KCNT2: variants seen among roughly 807,000 people sequenced by gnomAD.
KCNT2 encodes potassium channel subfamily T member 2.
A neutral mutation model predicts 153.8 loss-of-function variants in KCNT2; 67 were observed. The ratio of observed to expected loss-of-function variants is 0.44; its 90% CI spans 0.36 to 0.53. KCNT2 has a LOEUF of 0.53. Ranked by LOEUF, KCNT2 falls within the 20% of genes least tolerant of loss-of-function variation. The pLI is 0.00. For synonymous variants in KCNT2, 500 were observed against 458.8 expected (o/e 1.09, Z -1.15); for missense variants, 975 against 1,354.8 (o/e 0.72, Z 4.40).
At chr1:196,419,343 C>T (rs1260376477) in intron 12 of KCNT2, among the ~76,000 whole-genome samples, 2 of 111,432 alleles carry the variant, frequency 1.8e-5, no homozygotes, top group Admixed American at 2.0e-4. Context: ...CTCCCCCCAC[C>T]CCACAACAGT....
At chr1:196,535,865 C>T (rs1026652245) in intron 1 of KCNT2, among the ~76,000 whole-genome samples, 6 of 152,240 alleles carry the variant, frequency 3.9e-5, no homozygotes, top group African/African-American at 1.4e-4. Context: ...ATGTGCCACA[C>T]ATGGCATTGG....
At chr1:196,316,651 C>G (rs1409688505) in intron 20 of KCNT2, among the ~76,000 whole-genome samples, 1 of 151,586 alleles carries the variant, frequency 6.6e-6, no homozygotes, top group Admixed American at 6.6e-5. Context: ...TTGAATAACC[C>G]GATTTCTTTG....
At chr1:196,540,208 T>TAATCTCCAAAGAAGGAA (rs1394406290) in intron 1 of KCNT2, among the ~76,000 whole-genome samples, 1 of 152,176 alleles carries the variant, frequency 6.6e-6, no homozygotes, top group African/African-American at 2.4e-5. Flanking sequence ...TCTCCAAATA[T>TAATCTCCAAAGAAGGAA]GAACACTTCC....
At chr1:196,228,739 C>T (rs1033715466) in intron 27 of KCNT2, among the ~76,000 whole-genome samples, 10 of 152,084 alleles carry the variant, frequency 6.6e-5, no homozygotes, top group African/African-American at 1.9e-4. Context: ...AGGAGACCTA[C>T]ATTTTAGCCA....
chr1:196,239,462 A>G (rs186763976), intron 26 of KCNT2, among the ~76,000 whole-genome samples: 271 of 152,100 alleles, frequency 1.8e-3, no homozygotes, highest in African/African-American at 6.3e-3. Flanking sequence ...TTATTAAACA[A>G]AAATCTTCAA....
chr1:196,428,411 C>T (rs139285162), intron 9 of KCNT2, 142 bp from the exon 10 acceptor site: 114 of 624,742 alleles, frequency 1.8e-4, no homozygotes, highest in Non-Finnish European at 2.6e-4. Context: ...TCCCCTTCAA[C>T]GACAGACTTT....
chr1:196,400,696 T>C (rs1671336012), intron 12 of KCNT2, among the ~76,000 whole-genome samples: 1 of 151,596 alleles, frequency 6.6e-6, no homozygotes, highest in Non-Finnish European at 1.5e-5. Flanking sequence ...AAATGTAACA[T>C]TAATAATAAA....
chr1:196,303,101 T>G (rs2147969993), intron 22 of KCNT2, among the ~76,000 whole-genome samples: 1 of 152,214 alleles, frequency 6.6e-6, no homozygotes, highest in African/African-American at 2.4e-5. Flanking sequence ...TGTAAATCCT[T>G]TCTCTGTCAA....
In KCNT2 at chr1:196,462,871, A is replaced by C. The variant is rs529829597; in HGVS notation, c.638+2422T>G. 3.3e-5 allele frequency among the ~76,000 whole-genome samples: 5 copies of C among 151,640 alleles called. No individual in the cohort carries two copies. The South Asian group carries it at 1.0e-3, about 32-fold the overall frequency. On this transcript the variant is annotated intron_variant, in intron 8 of 27. Transcript: ENST00000294725. ...TGTTTTTTCTTTTTTGTGTGATAGT[A>C]TGATATTCAGCTGGATATACTACTA...
intron 14 of KCNT2, among the ~76,000 whole-genome samples, chr1:196,345,648 T>C (rs1211609345): frequency 6.6e-6 from 1 of 152,126 alleles, no homozygotes; most frequent in Non-Finnish European, 1.5e-5. Context: ...GAAAACAGAT[T>C]GAAGAAGAGA....
At chr1:196,258,064 G>A (rs1457100016) in intron 26 of KCNT2, 130 bp downstream of exon 26, 13 of 1,443,590 alleles carry the variant, frequency 9.0e-6, no homozygotes, top group South Asian at 4.5e-5. Flanking sequence ...GAGATCAGAT[G>A]TATCACTAGT....
At chr1:196,334,189 G>A (rs12410633) in intron 16 of KCNT2, 129 bp from the exon 17 acceptor site, 47,562 of 605,226 alleles carry the variant, frequency 0.079, 2,663 homozygotes, top group African/African-American at 0.22. Context: ...ATATTTATGC[G>A]TGTGGTGTAT....
At chr1:196,234,496 C>T (rs1394739406) in intron 27 of KCNT2, among the ~76,000 whole-genome samples, 1 of 151,230 alleles carries the variant, frequency 6.6e-6, no homozygotes, top group Non-Finnish European at 1.5e-5. Context: ...TATCTTGATG[C>T]TATGACAGAT....
At chr1:196,560,590 T>C (rs1659245584) in intron 1 of KCNT2, among the ~76,000 whole-genome samples, 1 of 151,826 alleles carries the variant, frequency 6.6e-6, no homozygotes, top group Admixed American at 6.6e-5. Flanking sequence ...ACAAAAGGGG[T>C]AACATCCCTA....
intron 13 of KCNT2, among the ~76,000 whole-genome samples, chr1:196,397,938 G>T (rs1422935600): frequency 6.7e-6 from 1 of 150,292 alleles, no homozygotes; most frequent in Non-Finnish European, 1.5e-5. Flanking sequence ...AACATTAGCG[G>T]TTTTTTTTAC....
At chr1:196,303,873 G>A (rs1004154397) in intron 22 of KCNT2, among the ~76,000 whole-genome samples, 1 of 152,146 alleles carries the variant, frequency 6.6e-6, no homozygotes, top group African/African-American at 2.4e-5. Flanking sequence ...TGCCAGCACG[G>A]ATTCCTGCTG....
At chr1:196,439,128 T>C (rs1674990515) in intron 8 of KCNT2, among the ~76,000 whole-genome samples, 1 of 151,968 alleles carries the variant, frequency 6.6e-6, no homozygotes, top group Admixed American at 6.6e-5. Flanking sequence ...CTTTCAAAAC[T>C]AATTCACATA....
At chr1:196,509,266 C>G (rs1229380338) in intron 1 of KCNT2, among the ~76,000 whole-genome samples, 1 of 131,106 alleles carries the variant, frequency 7.6e-6, no homozygotes, top group Non-Finnish European at 1.6e-5. Flanking sequence ...AGCGAAACTC[C>G]GAAAAAAAAA....
intron 14 of KCNT2, among the ~76,000 whole-genome samples, chr1:196,346,245 A>G (rs1295295684): frequency 2.0e-5 from 3 of 152,118 alleles, no homozygotes; most frequent in Admixed American, 2.0e-4. Context: ...TTTGGTCTAC[A>G]TTACATAAGC....
Sources: gnomAD v4.1 joint callset for allele counts (sites outside exome capture counted in the v4.1 genomes callset) on GRCh38, gnomAD v4.1.1 for gene constraint, MANE v1.5 for transcripts, NCBI Gene and HGNC (gene_info 2026-07-23, HGNC 2026-07-21) for gene names.